The following SGCZ variants were observed in gnomAD, a reference collection of about 807,000 sequenced individuals.
SGCZ encodes sarcoglycan zeta.
SGCZ carries 40 observed loss-of-function variants against 41.3 expected under a neutral mutation model. The ratio of observed to expected loss-of-function variants is 0.97; its 90% CI spans 0.75 to 1.26. SGCZ has a LOEUF of 1.26. SGCZ is among the 50% of genes most tolerant of loss of function. The probability of loss-of-function intolerance (pLI) is 0.00; values close to 1 mark genes in which losing one functional copy is unlikely to be tolerated. For missense variants in SGCZ, 552 were observed against 369.8 expected (o/e 1.49, Z -4.04); for synonymous variants, 206 against 137.5 (o/e 1.50, Z -3.49).
chr8:14,199,034 C>T (rs1446107348), intron 4 of SGCZ, among the ~76,000 whole-genome samples: 25 of 152,116 alleles, frequency 1.6e-4, no homozygotes, highest in Admixed American at 1.6e-3. Flanking sequence ...ATCTGGGCAC[C>T]TTAAGAAAAG....
chr8:14,117,478 A>T (rs1466519238), intron 5 of SGCZ, among the ~76,000 whole-genome samples: 5 of 146,600 alleles, frequency 3.4e-5, no homozygotes, highest in African/African-American at 1.3e-4. Context: ...GGAGTACTTG[A>T]CCCGTGTGTG....
intron 1 of SGCZ, among the ~76,000 whole-genome samples, chr8:15,120,887 C>T (rs1356447975): frequency 3.3e-5 from 5 of 152,162 alleles, no homozygotes; most frequent in African/African-American, 9.7e-5. Flanking sequence ...TGGTAGCTAT[C>T]AGCCCCGGGA....
chr8:14,996,811 C>T (rs1802236238), intron 1 of SGCZ, among the ~76,000 whole-genome samples: 1 of 152,204 alleles, frequency 6.6e-6, no homozygotes, highest in African/African-American at 2.4e-5. Flanking sequence ...ATTTGTGCCA[C>T]ACTCTGTATT....
intron 4 of SGCZ, among the ~76,000 whole-genome samples, chr8:14,217,030 G>C (rs1459392261): frequency 2.6e-5 from 4 of 152,190 alleles, no homozygotes; most frequent in Non-Finnish European, 5.9e-5. Context: ...GCTCACGCCT[G>C]TAATCCCAGC....
chr8:14,300,810 A>G (rs1230726603), intron 3 of SGCZ, among the ~76,000 whole-genome samples: 7 of 151,930 alleles, frequency 4.6e-5, no homozygotes, highest in Non-Finnish European at 8.8e-5. Context: ...CCTATTTTCT[A>G]ATCAGGCTAT....
At chr8:15,149,711 CAAA>C (rs750167614) in intron 1 of SGCZ, among the ~76,000 whole-genome samples, 71 of 57,256 alleles carry the variant, frequency 1.2e-3, no homozygotes, top group African/African-American at 2.8e-3. Flanking sequence ...CTATAAACTA[CAAA>C]AAAAAAAAAA....
chr8:14,297,879 G>C (rs1801065582), intron 3 of SGCZ, among the ~76,000 whole-genome samples: 1 of 151,928 alleles, frequency 6.6e-6, no homozygotes, highest in African/African-American at 2.4e-5. Flanking sequence ...AGAAGACTTT[G>C]CCACTCATTT....
intron 1 of SGCZ, among the ~76,000 whole-genome samples, chr8:14,657,377 T>A (rs1807610053): frequency 6.6e-6 from 1 of 152,106 alleles, no homozygotes; most frequent in Admixed American, 6.6e-5. Flanking sequence ...TAACTATATA[T>A]GCATCAATAC....
intron 2 of SGCZ, among the ~76,000 whole-genome samples, chr8:14,515,501 C>T (rs560181683): frequency 3.3e-5 from 5 of 152,122 alleles, no homozygotes; most frequent in Admixed American, 2.6e-4. Context: ...GTGAATATTT[C>T]TATATAGTCA....
chr8:14,206,388 A>T (rs1272181446), intron 4 of SGCZ, among the ~76,000 whole-genome samples: 2 of 152,196 alleles, frequency 1.3e-5, no homozygotes, highest in Non-Finnish European at 2.9e-5. Context: ...AAATGTAAAC[A>T]TAAATCATAA....
chr8:14,547,861 G>T (rs1353129595), intron 2 of SGCZ, among the ~76,000 whole-genome samples: 1 of 152,026 alleles, frequency 6.6e-6, no homozygotes, highest in Non-Finnish European at 1.5e-5. Context: ...ATATCATCTG[G>T]ATTTACAAAA....
intron 2 of SGCZ, among the ~76,000 whole-genome samples, chr8:14,468,341 G>A (rs887847290): frequency 1.3e-5 from 2 of 152,014 alleles, no homozygotes; most frequent in East Asian, 1.9e-4. Context: ...TAGAGCACAA[G>A]CATAAAGAAG....
intron 2 of SGCZ, among the ~76,000 whole-genome samples, chr8:14,442,586 T>C (rs914831314): frequency 1.3e-5 from 2 of 152,306 alleles, no homozygotes; most frequent in Non-Finnish European, 1.5e-5. Flanking sequence ...AGTTTGACAA[T>C]ATGTAACAAA....
chr8:14,341,072 CA>C (rs1802688577), intron 2 of SGCZ, among the ~76,000 whole-genome samples: 1 of 152,182 alleles, frequency 6.6e-6, no homozygotes, highest in Non-Finnish European at 1.5e-5. Flanking sequence ...ACTGTGTCTT[CA>C]AGAGTCATCT....
chr8:14,236,402 T>C (rs1329876400), intron 4 of SGCZ, among the ~76,000 whole-genome samples: 1 of 152,122 alleles, frequency 6.6e-6, no homozygotes. Context: ...TTTAGAAAAT[T>C]CATATATGCT....
chr8:15,129,763 A>G (rs571964014), intron 1 of SGCZ, among the ~76,000 whole-genome samples: 1 of 151,832 alleles, frequency 6.6e-6, no homozygotes, highest in East Asian at 1.9e-4. Context: ...AAAAACACAC[A>G]GATTAAATGG....
chr8:15,193,609 A>T (rs1800613719), intron 1 of SGCZ, among the ~76,000 whole-genome samples: 2 of 151,790 alleles, frequency 1.3e-5, no homozygotes, highest in South Asian at 4.1e-4. Flanking sequence ...AAGAATTTCA[A>T]CTCAGTTAGT....
chr8:14,683,641 T>C (rs1052898450), intron 1 of SGCZ, among the ~76,000 whole-genome samples: 3 of 152,134 alleles, frequency 2.0e-5, no homozygotes, highest in Admixed American at 6.5e-5. Context: ...TTTCTTCAAC[T>C]TGGAAATTAA....
chr8:14,451,683 G>C (rs570543149), intron 2 of SGCZ, among the ~76,000 whole-genome samples: 16 of 152,256 alleles, frequency 1.1e-4, no homozygotes, highest in South Asian at 6.2e-4. Flanking sequence ...ATGGGCAAAA[G>C]GTCTTAATAC....
Sources: gnomAD v4.1 joint callset for allele counts (sites outside exome capture counted in the v4.1 genomes callset) on GRCh38, gnomAD v4.1.1 for gene constraint, MANE v1.5 for transcripts, NCBI Gene and HGNC (gene_info 2026-07-23, HGNC 2026-07-21) for gene names.